Variants in NRP1 observed in about 807,000 individuals in gnomAD.
The protein encoded by NRP1 is neuropilin 1.
Under a neutral mutation model 106.7 loss-of-function variants are expected in NRP1, and 35 were observed. The ratio of observed to expected loss-of-function variants is 0.33; its 90% CI spans 0.25 to 0.43. The LOEUF (loss-of-function observed/expected upper bound fraction) is 0.43. NRP1 is among the 20% of genes least tolerant of loss of function. The probability of loss-of-function intolerance (pLI) is 1.00; values close to 1 mark genes in which losing one functional copy is unlikely to be tolerated. For missense variants in NRP1, 1,024 were observed against 1,170.4 expected (o/e 0.87, Z 1.83); for synonymous variants, 437 against 417.9 (o/e 1.05, Z -0.56).
At position 33,177,827 on chromosome 10, in the gene NRP1, A is replaced by G. The variant is rs1485764607; in HGVS notation, c.*2249T>C. ...ATAAAGAAAAAATATGTTATTTTAC[A>G]CCTTTAAAAATTACAAAACAATCTA... On this transcript the variant is annotated 3_prime_UTR_variant, in exon 17 of 17. Transcript: ENST00000374867. The G allele has an allele frequency of 6.6e-6, 1 of 152,656 alleles. No homozygotes were observed. The highest frequency in any genetic ancestry group is 1.5e-5 in the Non-Finnish European group (1 of 68,040). 9.5% of individuals were successfully genotyped at this position (152,656 alleles called of 1,614,324 possible). A position where few individuals can be genotyped will look rare whatever the true frequency, so the allele number is the denominator to read the frequency against.
chr10:33,227,008 C>G (rs907703217), intron 6 of NRP1, among the ~76,000 whole-genome samples: 1 of 152,158 alleles, frequency 6.6e-6, no homozygotes, highest in African/African-American at 2.4e-5. Flanking sequence ...ATATTTGTCT[C>G]AGAATAAATC....
intron 6 of NRP1, among the ~76,000 whole-genome samples, chr10:33,245,589 C>T (rs1841357924): frequency 6.6e-6 from 1 of 152,188 alleles, no homozygotes. Flanking sequence ...CTTCAGGACA[C>T]CAGCCTCAAC....
rs1183541610 is a variant in NRP1 at position 33,202,901 on chromosome 10, G to C, written c.1854C>G (p.Phe618Leu). Residue 618 changes from phenylalanine to leucine, a missense_variant, in exon 11 of 17, where the codon TTC becomes TTG. By Grantham distance (22) the Phe-to-Leu change is conservative (BLOSUM62 0). This residue lies in a region of NRP1 where 562 missense variants were observed against 620.3 expected (regional missense o/e 0.91). Transcript: ENST00000374867. ...AGATGGTTTCTGCACCTGTGAGCTGGAAGTCATCACCTGTTCCACTGTGGC... is the reference window on the plus strand; with the variant it reads ...AGATGGTTTCTGCACCTGTGAGCTGCAAGTCATCACCTGTTCCACTGTGGC... ...ANCHSGTGDD[F>L]QLTGGTTVLA... The C allele has an allele frequency of 6.2e-7, 1 of 1,614,202 alleles. No individual in the cohort carries two copies. The highest frequency in any genetic ancestry group is 8.5e-7 in the Non-Finnish European group (1 of 1,180,038).
Position 33,180,375 on chromosome 10 carries a change from A to G in NRP1, c.2483-10T>C, listed in dbSNP as rs751418015. On this transcript the variant is annotated splice_polypyrimidine_tract_variant and intron_variant, in intron 16 of 16. Coordinates refer to ENST00000374867, the MANE Select transcript of NRP1 (RefSeq NM_003873.7). ...TATCCTGGCGTGCTCCCTATGGAAA[A>G]AAACAATATTGTCTCCGTGAGCACC... The G allele has an allele frequency of 1.3e-6, 2 of 1,569,696 alleles. No homozygotes were observed. The highest frequency in any genetic ancestry group is 1.7e-6 in the Non-Finnish European group (2 of 1,155,194).
intron 1 of NRP1, among the ~76,000 whole-genome samples, chr10:33,333,527 C>T (rs932630101): frequency 2.6e-5 from 4 of 152,160 alleles, no homozygotes; most frequent in African/African-American, 7.2e-5. Context: ...CAATTGCTGA[C>T]GACTTACTGT....
intron 2 of NRP1, among the ~76,000 whole-genome samples, chr10:33,320,717 A>G (rs1247660716): frequency 6.6e-6 from 1 of 152,188 alleles, no homozygotes; most frequent in African/African-American, 2.4e-5. Flanking sequence ...TGAGTTCAAT[A>G]CAAGTGTCAG....
At chr10:33,243,170 A>G (rs970207707) in intron 6 of NRP1, among the ~76,000 whole-genome samples, 3 of 152,150 alleles carry the variant, frequency 2.0e-5, no homozygotes, top group African/African-American at 7.2e-5. Flanking sequence ...TGAAGTTTCT[A>G]TGTGAAATCC....
At chr10:33,278,076 C>T (rs552737499) in intron 2 of NRP1, among the ~76,000 whole-genome samples, 4 of 152,130 alleles carry the variant, frequency 2.6e-5, no homozygotes, top group East Asian at 1.9e-4. Context: ...CTATACTTTG[C>T]GATGTGTTTA....
chr10:33,274,008 C>A (rs990820639), intron 2 of NRP1, among the ~76,000 whole-genome samples: 1 of 152,138 alleles, frequency 6.6e-6, no homozygotes, highest in Non-Finnish European at 1.5e-5. Context: ...GAAGGACCAA[C>A]CCCTCCCTCC....
intron 2 of NRP1, among the ~76,000 whole-genome samples, chr10:33,279,193 A>G (rs1278128261): frequency 6.6e-6 from 1 of 152,220 alleles, no homozygotes; most frequent in Admixed American, 6.5e-5. Flanking sequence ...TCACCAACTT[A>G]GTGACTTGAA....
chr10:33,234,499 TG>T (rs907116362), intron 6 of NRP1, among the ~76,000 whole-genome samples: 2 of 152,208 alleles, frequency 1.3e-5, no homozygotes, highest in African/African-American at 4.8e-5. Context: ...GAATATGAAA[TG>T]ATTTCTGATT....
At chr10:33,292,306 T>G (rs1845054524) in intron 2 of NRP1, among the ~76,000 whole-genome samples, 2 of 152,170 alleles carry the variant, frequency 1.3e-5, no homozygotes, top group Non-Finnish European at 2.9e-5. Flanking sequence ...AGAATGCAAA[T>G]CCTCTCTGCT....
At chr10:33,249,471 A>C (rs2133137476) in intron 6 of NRP1, 1 of 529,608 alleles carries the variant, frequency 1.9e-6, no homozygotes, top group Admixed American at 2.0e-5. Context: ...AATGAGCTTA[A>C]TGGCCTGGGT....
At chr10:33,260,985 CAAAAAAAAA>C (rs35665366) in intron 4 of NRP1, among the ~76,000 whole-genome samples, 5 of 60,068 alleles carry the variant, frequency 8.3e-5, no homozygotes, top group East Asian at 5.6e-4. Context: ...TGCCATTGAC[CAAAAAAAAA>C]AAAAAAAAAA....
rs371491405 is a variant in NRP1 at position 33,203,581 on chromosome 10, G to A, written c.1760-586C>T. On this transcript the variant is annotated intron_variant, in intron 10 of 16. Coordinates refer to ENST00000374867, the MANE Select transcript of NRP1 (RefSeq NM_003873.7). ...CTCAAACTGTGAGCCCTCTCTCCAG[G>A]GCAGGTGTGTGAGAGAAGTTGTCTC... is the stretch of plus-strand genomic sequence containing the variant. 9.3e-4 allele frequency among the ~76,000 whole-genome samples: 141 copies of A among 152,058 alleles called. 2 individuals are homozygous for A. Among genetic ancestry groups the A allele is most frequent in the Admixed American group, 5.4e-3 (83 of 15,276 alleles).
chr10:33,218,408 C>T (rs1838957027), intron 8 of NRP1, among the ~76,000 whole-genome samples: 1 of 150,530 alleles, frequency 6.6e-6, no homozygotes, highest in Non-Finnish European at 1.5e-5. Flanking sequence ...GCCAGTGGCA[C>T]AATCTCGGCT....
intron 12 of NRP1, among the ~76,000 whole-genome samples, chr10:33,192,891 G>T (rs1248650997): frequency 6.6e-6 from 1 of 152,150 alleles, no homozygotes; most frequent in Non-Finnish European, 1.5e-5. Flanking sequence ...CACCCAGGAG[G>T]TTTTCTCTAT....
chr10:33,251,250 C>T (rs1249484489), intron 6 of NRP1, among the ~76,000 whole-genome samples: 1 of 152,100 alleles, frequency 6.6e-6, no homozygotes, highest in East Asian at 1.9e-4. Context: ...CCTGCTTCCC[C>T]TTCTGCCATG....
At chr10:33,289,862 G>A (rs1172845298) in intron 2 of NRP1, among the ~76,000 whole-genome samples, 2 of 152,254 alleles carry the variant, frequency 1.3e-5, no homozygotes, top group African/African-American at 2.4e-5. Context: ...ATAAAAATCC[G>A]CTACCTTTTG....
Sources: gnomAD v4.1 joint callset for allele counts (sites outside exome capture counted in the v4.1 genomes callset) on GRCh38, gnomAD v4.1.1 for gene constraint, gnomAD v4.1.1 regional missense constraint, MANE v1.5 for transcripts, NCBI Gene and HGNC (gene_info 2026-07-23, HGNC 2026-07-21) for gene names.